The following ACAD9 variants were observed in gnomAD, a reference collection of about 807,000 sequenced individuals.
ACAD9 encodes the protein acyl-CoA dehydrogenase family member 9, also known as complex I assembly factor ACAD9, mitochondrial.
A neutral mutation model predicts 70.2 loss-of-function variants in ACAD9; 53 were observed. That is an observed-to-expected ratio of 0.75 (90% CI 0.61 to 0.95). ACAD9 has a LOEUF of 0.95. Ranked by LOEUF, ACAD9 falls within the 40% of genes least tolerant of loss-of-function variation. ACAD9 has a pLI of 0.00. For synonymous variants in ACAD9, 313 were observed against 312.1 expected (o/e 1.00, Z -0.03); for missense variants, 777 against 802.8 (o/e 0.97, Z 0.39).
At chr3:128,885,546 C>T (rs558548202) in intron 2 of ACAD9, among the ~76,000 whole-genome samples, 1 of 152,250 alleles carries the variant, frequency 6.6e-6, no homozygotes, top group South Asian at 2.1e-4. Context: ...TGCGCACCCC[C>T]ATGCCCAGCT....
At chr3:128,906,334 C>T in intron 12 of ACAD9, 85 bp downstream of exon 12, 1 of 1,586,442 alleles carries the variant, frequency 6.3e-7, no homozygotes, top group Non-Finnish European at 8.6e-7. Flanking sequence ...TCGCAGAGGC[C>T]CCCGCAGCCC....
Position 128,912,712 on chromosome 3 carries a change from C to T in ACAD9, c.*105C>T. On this transcript the variant is annotated 3_prime_UTR_variant, in exon 18 of 18. Coordinates refer to ENST00000308982, the MANE Select transcript of ACAD9 (RefSeq NM_014049.5). ...GGTGTTGGGATTATCACAGGTTAAG[C>T]CTTTTGTTCCCCGTCTGCACCTGAA... 9.3e-7 allele frequency: 1 copy of T among 1,077,722 alleles called. No individual in the cohort carries two copies. Among genetic ancestry groups the T allele is most frequent in the Non-Finnish European group, 1.4e-6 (1 of 699,202 alleles). The allele number at this position is 1,077,722 out of a possible 1,614,324, so 66.8% of individuals were successfully genotyped here. A position where few individuals can be genotyped will look rare whatever the true frequency, so the allele number is the denominator to read the frequency against.
intron 17 of ACAD9, among the ~76,000 whole-genome samples, chr3:128,911,612 A>G (rs754466331): frequency 4.0e-5 from 6 of 150,806 alleles, no homozygotes; most frequent in Non-Finnish European, 8.9e-5. Flanking sequence ...TAATATTTGT[A>G]TTTTTAGTAG....
intron 17 of ACAD9, 129 bp downstream of exon 17, chr3:128,910,942 GGGCCTGGGTA>G (rs1474113388): frequency 3.4e-6 from 4 of 1,178,344 alleles, no homozygotes; most frequent in African/African-American, 3.0e-5. Flanking sequence ...CCTTGAGCGA[GGGCCTGGGTA>G]GGCCTGGGCT....
Position 128,899,354 on chromosome 3 carries a change from C to A in ACAD9, c.701C>A (p.Ser234Tyr), listed in dbSNP as rs1935663986. The A allele has an allele frequency of 6.2e-7, 1 of 1,614,252 alleles. No individual in the cohort carries two copies. The highest frequency in any genetic ancestry group is 1.7e-5 in the Admixed American group (1 of 60,024). ...TTTGCAAAGACTGAGGTCGTTGATT[C>A]TGATGGATCAGTGAAAGACAAAATC... ...TVFAKTEVVD[S>Y]DGSVKDKITA... Residue 234 changes from serine to tyrosine, a missense_variant, in exon 7 of 18, where the codon TCT becomes TAT. Transcript: ENST00000308982.
Position 128,897,493 on chromosome 3 carries a change from G to T in ACAD9, c.555-139G>T, listed in dbSNP as rs931929499. 2.1e-5 allele frequency: 16 copies of T among 754,164 alleles called. No individual in the cohort carries two copies. In the African/African-American group the frequency reaches 2.8e-4, roughly 13 times the overall value. 46.7% of individuals were successfully genotyped at this position (754,164 alleles called of 1,614,324 possible). A position where few individuals can be genotyped will look rare whatever the true frequency, so the allele number is the denominator to read the frequency against. On this transcript the variant is annotated intron_variant, in intron 5 of 17. Coordinates refer to ENST00000308982, the MANE Select transcript of ACAD9 (RefSeq NM_014049.5). The stretch of plus-strand genomic sequence containing the variant: ...AGACAGACATCCTGCAGCTTGGAAA[G>T]CTGAATATGTTATCTGACCCTTCAT...
At chr3:128,908,798 G>T (rs981444177) in intron 13 of ACAD9, among the ~76,000 whole-genome samples, 175 bp from the exon 14 acceptor site, 5 of 152,204 alleles carry the variant, frequency 3.3e-5, no homozygotes, top group Admixed American at 2.0e-4. Flanking sequence ...CCCCTGAGGA[G>T]ACTGGCTGCT....
At chr3:128,880,013 A>G (rs2107637193) in intron 1 of ACAD9, 172 bp downstream of exon 1, 1 of 1,546,696 alleles carries the variant, frequency 6.5e-7, no homozygotes, top group East Asian at 2.4e-5. Context: ...CTTCCCAGAG[A>G]AAGGGTGAGA....
At chr3:128,885,784 A>G (rs931602011) in intron 2 of ACAD9, among the ~76,000 whole-genome samples, 17 of 152,132 alleles carry the variant, frequency 1.1e-4, no homozygotes, top group Admixed American at 9.2e-4. Flanking sequence ...TGGGAGGCCA[A>G]CGGGGACAGA....
intron 4 of ACAD9, 47 bp from the exon 5 acceptor site, chr3:128,896,388 TC>T: frequency 6.4e-7 from 1 of 1,562,566 alleles, no homozygotes; most frequent in Non-Finnish European, 8.8e-7. Flanking sequence ...CACCTCATGC[TC>T]TCCTTTCTCC....
Position 128,902,714 on chromosome 3 carries a change from C to T in ACAD9, c.958+86C>T, listed in dbSNP as rs950221179. ...TGGAGGCTCTGCCATTCCCCCGGCC[C>T]CTTCCAGGCCAGTGCTGAACCAGGC... On this transcript the variant is annotated intron_variant, in intron 9 of 17. Transcript: ENST00000308982. This position sits in a 1 kb window ranked among gnomAD's most constrained non-coding sequence, Gnocchi z 4.0. The T allele has an allele frequency of 5.5e-6, 8 of 1,453,606 alleles. No homozygotes were observed. Among genetic ancestry groups the T allele is most frequent in the Non-Finnish European group, 7.6e-6 (8 of 1,052,786 alleles). The allele number at this position is 1,453,606 out of a possible 1,614,324, so 90.0% of individuals were successfully genotyped here. A position where few individuals can be genotyped will look rare whatever the true frequency, so the allele number is the denominator to read the frequency against.
At chr3:128,908,866 C>G in intron 13 of ACAD9, 107 bp from the exon 14 acceptor site, 2 of 1,571,894 alleles carry the variant, frequency 1.3e-6, no homozygotes, top group Non-Finnish European at 1.7e-6. Context: ...CCAGCATACC[C>G]AGGCCAGAGG....
chr3:128,887,926 C>T (rs1387634660), intron 2 of ACAD9, among the ~76,000 whole-genome samples: 2 of 152,120 alleles, frequency 1.3e-5, no homozygotes, highest in African/African-American at 2.4e-5. Flanking sequence ...AGCAGTGCCA[C>T]GGAAATAGAG....
Position 128,910,127 on chromosome 3 carries a change from G to A in ACAD9, c.1670G>A (p.Gly557Glu), listed in dbSNP as rs1936100105. Residue 557 changes from glycine (G) to glutamate (E), a missense_variant, in exon 16 of 18, where the codon GGG becomes GAG. Coordinates refer to ENST00000308982, the MANE Select transcript of ACAD9 (RefSeq NM_014049.5). ...LSRASRSIRIGLRNHDHEVLL... is the reference protein window; with the variant it reads ...LSRASRSIRIELRNHDHEVLL... ...CGGGCCAGCCGCTCCATCCGCATTG[G>A]GCTCCGCAACCACGACCACGAGGTG... is the stretch of plus-strand genomic sequence containing the variant. The A allele has an allele frequency of 1.2e-6, 2 of 1,613,936 alleles. No individual in the cohort carries two copies. The highest frequency in any genetic ancestry group is 2.7e-5 in the African/African-American group (2 of 74,938).
At chr3:128,886,424 TCAGGC>T (rs1935250968) in intron 2 of ACAD9, among the ~76,000 whole-genome samples, 1 of 146,946 alleles carries the variant, frequency 6.8e-6, no homozygotes, top group Non-Finnish European at 1.5e-5. Context: ...TGAAAAATAA[TCAGGC>T]CAGGCGCGGT....
At chr3:128,901,871 A>G (rs143203048) in intron 8 of ACAD9, among the ~76,000 whole-genome samples, 52 of 152,224 alleles carry the variant, frequency 3.4e-4, no homozygotes, top group African/African-American at 1.2e-3. Flanking sequence ...TATGACCCTT[A>G]CCCCATCCCT....
chr3:128,910,270 T>C (rs775066533), intron 16 of ACAD9, 121 bp downstream of exon 16: 1 of 1,536,562 alleles, frequency 6.5e-7, no homozygotes, highest in South Asian at 1.2e-5. Flanking sequence ...AGGTTCACCA[T>C]GCGGTGGCCG....
chr3:128,883,255 T>C (rs1935145714), intron 1 of ACAD9, among the ~76,000 whole-genome samples: 1 of 151,184 alleles, frequency 6.6e-6, no homozygotes, highest in South Asian at 2.1e-4. Context: ...ACGCCCAGGC[T>C]GGTTTTGAAC....
At chr3:128,893,503 A>C (rs755617995) in intron 2 of ACAD9, 52 bp from the exon 3 acceptor site, 1 of 1,379,944 alleles carries the variant, frequency 7.2e-7, no homozygotes, top group Non-Finnish European at 1.0e-6. Flanking sequence ...GTTTACTTAT[A>C]TTTGTAGAAA....
Sources: gnomAD v4.1 joint callset for allele counts (sites outside exome capture counted in the v4.1 genomes callset) on GRCh38, gnomAD v4.1.1 for gene constraint, Gnocchi (gnomAD v3.1) non-coding constraint, MANE v1.5 for transcripts, NCBI Gene and HGNC (gene_info 2026-07-23, HGNC 2026-07-21) for gene names.